Variants in IL31RA observed in about 807,000 individuals in gnomAD.
IL31RA encodes interleukin-31 receptor subunit alpha.
IL31RA carries 66 observed loss-of-function variants against 83.7 expected under a neutral mutation model. The observed-to-expected ratio is 0.79, with a 90% CI of 0.65 to 0.97. The LOEUF is 0.97. Ranked by LOEUF, IL31RA falls within the 50% of genes least tolerant of loss-of-function variation. The pLI is 0.00. For synonymous variants in IL31RA, 325 were observed against 329.0 expected (o/e 0.99, Z 0.13); for missense variants, 798 against 919.4 (o/e 0.87, Z 1.71).
chr5:55,863,634 G>A (rs1269629497), intron 2 of IL31RA, among the ~76,000 whole-genome samples: 1 of 152,210 alleles, frequency 6.6e-6, no homozygotes, highest in African/African-American at 2.4e-5. Flanking sequence ...AATCTCTTCT[G>A]TAACACCAAT....
chr5:55,853,499 TG>T (rs1745177674), intron 1 of IL31RA: 2 of 1,550,444 alleles, frequency 1.3e-6, no homozygotes, highest in Non-Finnish European at 1.7e-6. Flanking sequence ...CTGTGGGAGG[TG>T]GAGTTGCCTT....
intron 3 of IL31RA, among the ~76,000 whole-genome samples, chr5:55,870,569 C>T (rs1191953112): frequency 6.6e-6 from 1 of 151,998 alleles, no homozygotes; most frequent in Admixed American, 6.6e-5. Context: ...CCATCTTTCC[C>T]TTTGGGTTGT....
At chr5:55,914,178 T>C (rs972490680) in intron 13 of IL31RA, among the ~76,000 whole-genome samples, 2 of 152,304 alleles carry the variant, frequency 1.3e-5, no homozygotes, top group South Asian at 4.1e-4. Flanking sequence ...GAGCTGTCTC[T>C]CCAAATTAGA....
intron 4 of IL31RA, among the ~76,000 whole-genome samples, chr5:55,876,500 C>T (rs575409816): frequency 3.9e-5 from 6 of 152,122 alleles, no homozygotes; most frequent in African/African-American, 1.2e-4. Context: ...CAGATAATGC[C>T]GGAGTTTACT....
intron 3 of IL31RA, 100 bp from the exon 4 acceptor site, chr5:55,872,170 C>A: frequency 2.3e-6 from 2 of 887,772 alleles, no homozygotes; most frequent in South Asian, 1.5e-5. Flanking sequence ...CTCAAGAAAA[C>A]CCAGAGAAAA....
In IL31RA at chr5:55,859,405, G is replaced by T. The variant is rs556595740; in HGVS notation, c.64-104G>T. ...ATAGTCAACAAATAAAATAAAATAG[G>T]ATCCTTCCTCCTTCCAAAATCCCCA... On this transcript the variant is annotated intron_variant, in intron 1 of 14. Coordinates refer to ENST00000652347, the MANE Select transcript of IL31RA (RefSeq NM_139017.7). The T allele has an allele frequency of 9.3e-5, 76 of 813,428 alleles. 1 individual carries two copies. In the East Asian group the frequency reaches 1.8e-3, roughly 20 times the overall value. 50.4% of individuals were successfully genotyped at this position (813,428 alleles called of 1,614,324 possible).
intron 5 of IL31RA, among the ~76,000 whole-genome samples, chr5:55,888,204 G>C (rs916323634): frequency 6.6e-6 from 1 of 152,212 alleles, no homozygotes; most frequent in African/African-American, 2.4e-5. Flanking sequence ...TGTTTTAGTA[G>C]GGTTCCATTG....
At chr5:55,845,450 G>A in the IL31RA span, among the ~76,000 whole-genome samples, 1 of 59,610 alleles carries the variant, frequency 1.7e-5, no homozygotes, top group African/African-American at 7.6e-5. Context: ...CAGGTGATAT[G>A]GTTTGGCTGT....
intron 1 of IL31RA, among the ~76,000 whole-genome samples, chr5:55,856,139 T>C: frequency 6.6e-6 from 1 of 152,204 alleles, no homozygotes; most frequent in Non-Finnish European, 1.5e-5. Context: ...TCAAGTGATC[T>C]GCCTGCCTTG....
At chr5:55,847,130 C>T (rs1340489034), upstream of IL31RA, among the ~76,000 whole-genome samples, 60 of 150,580 alleles carry the variant, frequency 4.0e-4, no homozygotes, top group Non-Finnish European at 1.0e-4. Flanking sequence ...GTAGTCCCAG[C>T]TACTTGAGAG....
intron 2 of IL31RA, among the ~76,000 whole-genome samples, chr5:55,866,214 C>T (rs1313061135): frequency 6.6e-6 from 1 of 152,150 alleles, no homozygotes; most frequent in Non-Finnish European, 1.5e-5. Context: ...GGAGCTGCAC[C>T]AGGCCACCCT....
upstream of IL31RA, among the ~76,000 whole-genome samples, chr5:55,847,442 C>T (rs146472855): frequency 3.4e-3 from 522 of 151,766 alleles, 7 homozygotes; most frequent in African/African-American, 0.012. Context: ...ATTAGGTGGG[C>T]GTGGTGGTGC....
At chr5:55,847,906 G>C (rs1744973796), upstream of IL31RA, among the ~76,000 whole-genome samples, 1 of 152,140 alleles carries the variant, frequency 6.6e-6, no homozygotes, top group Non-Finnish European at 1.5e-5. Flanking sequence ...GTGTTGACTA[G>C]ATATTCTGTA....
At chr5:55,850,909 G>A (rs561567365), upstream of IL31RA, among the ~76,000 whole-genome samples, 3 of 152,136 alleles carry the variant, frequency 2.0e-5, no homozygotes, top group South Asian at 6.2e-4. Context: ...TGAACAACAT[G>A]GAGAAACCCC....
At chr5:55,867,763 C>T (rs1561544223) in intron 2 of IL31RA, among the ~76,000 whole-genome samples, 1 of 152,084 alleles carries the variant, frequency 6.6e-6, no homozygotes, top group Non-Finnish European at 1.5e-5. Flanking sequence ...AAGGCACTTC[C>T]TACATGGCTG....
chr5:55,859,407 T>C, intron 1 of IL31RA, 102 bp from the exon 2 acceptor site: 1 of 823,090 alleles, frequency 1.2e-6, no homozygotes, highest in Non-Finnish European at 2.1e-6. Flanking sequence ...TAAAATAGGA[T>C]CCTTCCTCCT....
chr5:55,885,010 A>T (rs1747494014), intron 5 of IL31RA, among the ~76,000 whole-genome samples: 1 of 152,206 alleles, frequency 6.6e-6, no homozygotes, highest in Admixed American at 6.5e-5. Context: ...TTATCTAATT[A>T]TTAATAAAAA....
intron 2 of IL31RA, 76 bp downstream of exon 2, chr5:55,859,675 G>A (rs1745554521): frequency 9.9e-7 from 1 of 1,008,866 alleles, no homozygotes; most frequent in African/African-American, 1.6e-5. Context: ...TAACTTTAAA[G>A]CGACACCTGG....
At chr5:55,872,202 A>G (rs1259792290) in intron 3 of IL31RA, 68 bp from the exon 4 acceptor site, 1 of 1,145,328 alleles carries the variant, frequency 8.7e-7, no homozygotes, top group African/African-American at 1.5e-5. Context: ...ACTGCTTAAT[A>G]CATTAAATAT....
Sources: gnomAD v4.1 joint callset for allele counts (sites outside exome capture counted in the v4.1 genomes callset) on GRCh38, gnomAD v4.1.1 for gene constraint, MANE v1.5 for transcripts, NCBI Gene and HGNC (gene_info 2026-07-23, HGNC 2026-07-21) for gene names.